REV3L: variants seen among roughly 807,000 people sequenced by gnomAD.
The protein encoded by REV3L is DNA polymerase zeta catalytic subunit.
REV3L carries 69 observed loss-of-function variants against 299.4 expected under a neutral mutation model. That is an observed-to-expected ratio of 0.23 (90% CI 0.19 to 0.28). The LOEUF is 0.28. Among genes scored for constraint, REV3L ranks in the 10% least tolerant of loss-of-function variants. The pLI is 1.00. For missense variants in REV3L, 3,128 were observed against 3,693.8 expected (o/e 0.85, Z 3.97); for synonymous variants, 1,238 against 1,271.4 (o/e 0.97, Z 0.56).
intron 4 of REV3L, among the ~76,000 whole-genome samples, chr6:111,399,736 T>G (rs1782896373): frequency 6.6e-6 from 1 of 152,034 alleles, no homozygotes; most frequent in Non-Finnish European, 1.5e-5. Context: ...TCACATCACA[T>G]GAGGGGCCAC....
Position 111,470,169 on chromosome 6 carries a change from ATC to A in REV3L, c.139+12579_139+12580del, listed in dbSNP as rs1193407636. 1.2e-4 allele frequency among the ~76,000 whole-genome samples: 16 copies of A among 136,720 alleles called. 1 individual carries two copies. The highest frequency in any genetic ancestry group is 4.5e-4 in the Admixed American group (6 of 13,228). 89.7% of individuals were successfully genotyped at this position (136,720 alleles called of 152,430 possible). A position where few individuals can be genotyped will look rare whatever the true frequency, so the allele number is the denominator to read the frequency against. ...TGGGTTAAGAGTACCAGGGTTTACT[ATC>A]TCTCACACACACACACACACACACA... On this transcript the variant is annotated intron_variant, in intron 1 of 31. Transcript: ENST00000368802.
intron 1 of REV3L, among the ~76,000 whole-genome samples, chr6:111,473,427 A>G (rs1792501687): frequency 6.6e-6 from 1 of 152,054 alleles, no homozygotes; most frequent in South Asian, 2.1e-4. Flanking sequence ...TACCAGAGGA[A>G]CTTGAAAGGT....
intron 31 of REV3L, among the ~76,000 whole-genome samples, chr6:111,307,080 C>A (rs1308343728): frequency 6.6e-6 from 1 of 151,984 alleles, no homozygotes; most frequent in Non-Finnish European, 1.5e-5. Flanking sequence ...ATTAGGGATG[C>A]TCAACCTGTA....
At chr6:111,451,991 G>C (rs981198367) in intron 1 of REV3L, among the ~76,000 whole-genome samples, 5 of 152,068 alleles carry the variant, frequency 3.3e-5, no homozygotes, top group African/African-American at 1.2e-4. Context: ...CTTGAGTCCA[G>C]AATGAATAAA....
intron 26 of REV3L, among the ~76,000 whole-genome samples, chr6:111,321,202 A>G (rs551290136): frequency 6.6e-6 from 1 of 152,300 alleles, no homozygotes; most frequent in African/African-American, 2.4e-5. Context: ...GCTCTCCCCA[A>G]GTATGAAAAC....
chr6:111,426,031 G>T (rs1349422285), intron 1 of REV3L, among the ~76,000 whole-genome samples: 1 of 152,184 alleles, frequency 6.6e-6, no homozygotes, highest in Non-Finnish European at 1.5e-5. Flanking sequence ...GTGTTTACAT[G>T]TGTACCAATG....
chr6:111,407,975 A>G (rs1031696538), intron 3 of REV3L, among the ~76,000 whole-genome samples: 1 of 152,172 alleles, frequency 6.6e-6, no homozygotes, highest in Non-Finnish European at 1.5e-5. Context: ...GAAGTTGGAT[A>G]CACAAAGTAT....
chr6:111,344,223 T>C (rs1415632773), intron 20 of REV3L, among the ~76,000 whole-genome samples, 180 bp from the exon 21 acceptor site: 1 of 152,214 alleles, frequency 6.6e-6, no homozygotes, highest in African/African-American at 2.4e-5. Context: ...TGGACAGAAA[T>C]GTTCATAACA....
At chr6:111,405,714 C>A (rs1783548920) in intron 3 of REV3L, 84 bp from the exon 4 acceptor site, 1 of 880,246 alleles carries the variant, frequency 1.1e-6, no homozygotes, top group African/African-American at 1.8e-5. Context: ...ATATACAGAA[C>A]AAAGCACTTA....
intron 1 of REV3L, among the ~76,000 whole-genome samples, chr6:111,463,173 C>T (rs1053220215): frequency 7.9e-5 from 12 of 152,156 alleles, no homozygotes; most frequent in African/African-American, 2.9e-4. Flanking sequence ...GTATAAGTAC[C>T]AGTATTTACA....
chr6:111,356,515 A>G (rs574705110), intron 18 of REV3L, among the ~76,000 whole-genome samples: 1 of 152,282 alleles, frequency 6.6e-6, no homozygotes, highest in South Asian at 2.1e-4. Flanking sequence ...ATAATCCTAC[A>G]TTTATGAACA....
intron 25 of REV3L, among the ~76,000 whole-genome samples, chr6:111,324,245 G>A (rs188999420): frequency 4.6e-5 from 7 of 152,282 alleles, no homozygotes; most frequent in South Asian, 2.1e-4. Context: ...TGATCCACCC[G>A]CCTCAGCCTC....
chr6:111,359,049 A>G (rs1778378516), intron 16 of REV3L, 35 bp from the exon 17 acceptor site: 1 of 1,549,578 alleles, frequency 6.5e-7, no homozygotes, highest in Admixed American at 1.8e-5. Context: ...TTTTTAAAAC[A>G]TTTTTTAAAG....
At chr6:111,410,152 C>T (rs1050208053) in intron 3 of REV3L, among the ~76,000 whole-genome samples, 1 of 152,102 alleles carries the variant, frequency 6.6e-6, no homozygotes, top group Non-Finnish European at 1.5e-5. Flanking sequence ...TTGCAGTGAG[C>T]TATGACTGCA....
intron 1 of REV3L, among the ~76,000 whole-genome samples, chr6:111,427,269 C>A (rs867191801): frequency 6.6e-6 from 1 of 151,994 alleles, no homozygotes; most frequent in Non-Finnish European, 1.5e-5. Context: ...GGACCTTAAG[C>A]TTTTACCTGT....
At chr6:111,329,413 G>A (rs995418202) in intron 25 of REV3L, 119 bp downstream of exon 25, 1 of 839,642 alleles carries the variant, frequency 1.2e-6, no homozygotes, top group Admixed American at 1.8e-5. Context: ...TTCAACTCTG[G>A]GCTGAAGACC....
intron 17 of REV3L, among the ~76,000 whole-genome samples, chr6:111,357,688 G>A (rs1167302485): frequency 6.6e-6 from 1 of 151,292 alleles, no homozygotes; most frequent in East Asian, 1.9e-4. Context: ...GCGAGACTCT[G>A]TCTCAAAAAA....
chr6:111,441,170 T>G (rs552556003), intron 1 of REV3L, among the ~76,000 whole-genome samples: 1 of 152,356 alleles, frequency 6.6e-6, no homozygotes, highest in Non-Finnish European at 1.5e-5. Context: ...TGTTATAGAT[T>G]TTATTTCTAG....
intron 4 of REV3L, among the ~76,000 whole-genome samples, chr6:111,401,488 G>A (rs1013116141): frequency 6.6e-6 from 1 of 152,166 alleles, no homozygotes; most frequent in Non-Finnish European, 1.5e-5. Context: ...AAGATACAGA[G>A]AAGATAAGAA....
Sources: gnomAD v4.1 joint callset for allele counts (sites outside exome capture counted in the v4.1 genomes callset) on GRCh38, gnomAD v4.1.1 for gene constraint, MANE v1.5 for transcripts, NCBI Gene and HGNC (gene_info 2026-07-23, HGNC 2026-07-21) for gene names.